The following CNIH2 variants were observed in gnomAD, a reference collection of about 807,000 sequenced individuals.
CNIH2 encodes the protein protein cornichon homolog 2.
CNIH2 carries 8 observed loss-of-function variants against 22.9 expected under a neutral mutation model. That is an observed-to-expected ratio of 0.35 (90% confidence interval 0.20 to 0.63). The LOEUF (loss-of-function observed/expected upper bound fraction) is 0.63, where lower values mean the gene tolerates loss of function less well. CNIH2 is among the 30% of genes least tolerant of loss of function. CNIH2 has a pLI of 0.72. For synonymous variants in CNIH2, 74 were observed against 78.2 expected (o/e 0.95, Z 0.28); for missense variants, 105 against 206.2 (o/e 0.51, Z 3.01).
chr11:66,282,429 G>GGGGGGGGCC lies in CNIH2; in HGVS notation c.150+102_150+103insGGGGGGGCC. On this transcript the variant is annotated intron_variant, in intron 2 of 5. Coordinates refer to ENST00000311445, the MANE Select transcript of CNIH2 (RefSeq NM_182553.3). Reference sequence around the variant, plus strand: ...CGGGAAGACGGGGGTGGGGTGGGGGGCCTACGGCCATGCCCCCTTCCTCTC... The same window carrying GGGGGGGGCC: ...CGGGAAGACGGGGGTGGGGTGGGGGGGGGGGGGCCCCTACGGCCATGCCCCCTTCCTCTC... 7 of 479,424 alleles carry GGGGGGGGCC rather than the reference G, an allele frequency of 1.5e-5. No individual in the cohort carries two copies. In the East Asian group the frequency reaches 1.7e-4, roughly 12 times the overall value. The allele number at this position is 479,424 out of a possible 1,614,324, so 29.7% of individuals were successfully genotyped here. A position where few individuals can be genotyped will look rare whatever the true frequency, so the allele number is the denominator to read the frequency against.
chr11:66,282,454 C>G lies in CNIH2; in HGVS notation c.150+127C>G. ...GCCTACGGCCATGCCCCCTTCCTCT[C>G]TGTCTCCGCCCCCAGCAAACACCTG... On this transcript the variant is annotated intron_variant, in intron 2 of 5. Transcript: ENST00000311445. 4.4e-6 allele frequency: 5 copies of G among 1,136,078 alleles called. No individual in the cohort carries two copies. In the East Asian group the frequency reaches 1.3e-4, roughly 29 times the overall value. The allele number at this position is 1,136,078 out of a possible 1,614,324, so 70.4% of individuals were successfully genotyped here.
rs974735833 is a variant in CNIH2 at position 66,278,263 on chromosome 11, G to C, written c.-194G>C. 6.8e-6 allele frequency: 1 copy of C among 147,356 alleles called. No individual in the cohort carries two copies. The highest frequency in any genetic ancestry group is 1.5e-5 in the Non-Finnish European group (1 of 66,170). 9.1% of individuals were successfully genotyped at this position (147,356 alleles called of 1,614,324 possible). ...ATCGGGGCCCGGGCAGCCGGCAGCG[G>C]ACGCGCCCCCCGAGCCCACCGGCCC... On this transcript the variant is annotated 5_prime_UTR_variant, in exon 1 of 6. Transcript: ENST00000311445.
At position 66,278,434 on chromosome 11, in the gene CNIH2, G is replaced by A. The variant is rs372461127; in HGVS notation, c.-23G>A. On this transcript the variant is annotated 5_prime_UTR_variant, in exon 1 of 6. Coordinates refer to ENST00000311445, the MANE Select transcript of CNIH2 (RefSeq NM_182553.3). ...CCGGGCCCCGCGCTGGCGCCCCCCG[G>A]GCCGCCGCCCGGCGCGGGGGCCATG... 7.6e-5 allele frequency: 90 copies of A among 1,190,484 alleles called. No homozygotes were observed. The highest frequency in any genetic ancestry group is 8.6e-5 in the Non-Finnish European group (82 of 950,774). The allele number at this position is 1,190,484 out of a possible 1,614,324, so 73.7% of individuals were successfully genotyped here. A position where few individuals can be genotyped will look rare whatever the true frequency, so the allele number is the denominator to read the frequency against.
chr11:66,280,534 G>A (rs754976382), intron 1 of CNIH2, among the ~76,000 whole-genome samples: 12 of 152,180 alleles, frequency 7.9e-5, no homozygotes, highest in Admixed American at 1.3e-4. Flanking sequence ...CCAGGCCCCA[G>A]TGGTTCCTAG....
chr11:66,282,609 G>A (rs1479115971), intron 2 of CNIH2, 124 bp from the exon 3 acceptor site: 2 of 1,193,536 alleles, frequency 1.7e-6, no homozygotes, highest in Non-Finnish European at 1.2e-6. Flanking sequence ...CTGCTTCCCG[G>A]CCGTGCCGAC....
chr11:66,282,631 G>T (rs1016295096), intron 2 of CNIH2, 102 bp from the exon 3 acceptor site: 2 of 1,391,400 alleles, frequency 1.4e-6, no homozygotes, highest in Non-Finnish European at 2.0e-6. Flanking sequence ...GTGCCGCAGA[G>T]ATCGCTCTGG....
At position 66,283,733 on chromosome 11, in the gene CNIH2, C is replaced by A; in HGVS notation, c.*136C>A. 1.0e-6 allele frequency: 1 copy of A among 962,756 alleles called. No homozygotes were observed. The highest frequency in any genetic ancestry group is 1.5e-6 in the Non-Finnish European group (1 of 652,418). 59.6% of individuals were successfully genotyped at this position (962,756 alleles called of 1,614,324 possible). On this transcript the variant is annotated 3_prime_UTR_variant, in exon 6 of 6. Coordinates refer to ENST00000311445, the MANE Select transcript of CNIH2 (RefSeq NM_182553.3). ...GCCCCCAGCCTCTCCAACCCCCAAA[C>A]TGCTGCTGCGGGGAACCCCCCCCAC...
intron 2 of CNIH2, 45 bp downstream of exon 2, chr11:66,282,372 C>G: frequency 7.9e-7 from 1 of 1,258,636 alleles, no homozygotes; most frequent in African/African-American, 1.8e-5. Context: ...GTCCGTCTGT[C>G]TTTCCATCTG....
chr11:66,280,630 G>C (rs933218888), intron 1 of CNIH2, among the ~76,000 whole-genome samples: 2 of 152,184 alleles, frequency 1.3e-5, no homozygotes, highest in African/African-American at 4.8e-5. Flanking sequence ...CAGGCAGCCT[G>C]GGGGGTGGGA....
In CNIH2 at chr11:66,283,674, A is replaced by G; in HGVS notation, c.*77A>G. 6.6e-7 allele frequency: 1 copy of G among 1,505,744 alleles called. No homozygotes were observed. Among genetic ancestry groups the G allele is most frequent in the Non-Finnish European group, 9.0e-7 (1 of 1,109,742 alleles). 93.3% of individuals were successfully genotyped at this position (1,505,744 alleles called of 1,614,324 possible). On this transcript the variant is annotated 3_prime_UTR_variant, in exon 6 of 6. Transcript: ENST00000311445. ...CCCCAGCCCTGCCCCTTGGCCGCAG[A>G]GGCCTCAGCCCTGGGGAGGGAGGGG...
At chr11:66,282,974 C>T (rs1041991429) in intron 3 of CNIH2, 61 bp from the exon 4 acceptor site, 44 of 1,478,098 alleles carry the variant, frequency 3.0e-5, no homozygotes, top group Middle Eastern at 1.7e-4. Context: ...TCCTCTCTGT[C>T]CCCTTGAAGG....
chr11:66,279,502 T>C (rs575410519), intron 1 of CNIH2, among the ~76,000 whole-genome samples: 5 of 122,126 alleles, frequency 4.1e-5, no homozygotes, highest in Non-Finnish European at 6.4e-5. Flanking sequence ...AGCTCGGCCC[T>C]GGCTGGCTCA....
At chr11:66,278,584 G>A in intron 1 of CNIH2, 47 bp downstream of exon 1, 1 of 1,162,932 alleles carries the variant, frequency 8.6e-7, no homozygotes, top group South Asian at 1.5e-5. Context: ...GGGGGGCAGG[G>A]GCCACGCGGA....
chr11:66,280,375 C>T (rs1857241183), intron 1 of CNIH2, among the ~76,000 whole-genome samples: 1 of 152,244 alleles, frequency 6.6e-6, no homozygotes, highest in South Asian at 2.1e-4. Flanking sequence ...AGTCTGGTTC[C>T]TCGCCGGCAA....
chr11:66,279,939 G>C (rs113470702), intron 1 of CNIH2, among the ~76,000 whole-genome samples: 36 of 152,330 alleles, frequency 2.4e-4, no homozygotes, highest in African/African-American at 8.4e-4. Flanking sequence ...CTTTCTGTGG[G>C]GTAGGGGCAG....
chr11:66,281,302 C>G, intron 1 of CNIH2: 1 of 447,388 alleles, frequency 2.2e-6, no homozygotes, highest in South Asian at 1.6e-5. Flanking sequence ...TGGCCCTGGA[C>G]AAGTCACTTA....
rs1009439203 is a variant in CNIH2, at chr11:66,278,390, G to T, written c.-67G>T. 2.1e-5 allele frequency: 13 copies of T among 611,854 alleles called. No individual in the cohort carries two copies. The highest frequency in any genetic ancestry group is 2.7e-5 in the Non-Finnish European group (13 of 485,328). 37.9% of individuals were successfully genotyped at this position (611,854 alleles called of 1,614,324 possible). ...GCCCGGCCGGCCCTAAGCGCGGGCC[G>T]GGGGGCGTCCCCTTGCGCCCGGGCC... On this transcript the variant is annotated 5_prime_UTR_variant, in exon 1 of 6. Coordinates refer to ENST00000311445, the MANE Select transcript of CNIH2 (RefSeq NM_182553.3).
chr11:66,282,423 T>TGGG, intron 2 of CNIH2, 96 bp downstream of exon 2: 8 of 147,066 alleles, frequency 5.4e-5, no homozygotes, highest in South Asian at 1.7e-4. Flanking sequence ...GGGGGTGGGG[T>TGGG]GGGGGGCCTA....
At chr11:66,278,736 C>T (rs1857205149) in intron 1 of CNIH2, among the ~76,000 whole-genome samples, 199 bp downstream of exon 1, 1 of 151,224 alleles carries the variant, frequency 6.6e-6, no homozygotes, top group Admixed American at 6.6e-5. Context: ...GCCGCCCCCG[C>T]CTGTCTGTGT....
Sources: gnomAD v4.1 joint callset for allele counts (sites outside exome capture counted in the v4.1 genomes callset) on GRCh38, gnomAD v4.1.1 for gene constraint, MANE v1.5 for transcripts, NCBI Gene and HGNC (gene_info 2026-07-23, HGNC 2026-07-21) for gene names.